Variants in IQCM observed in about 807,000 individuals in gnomAD.
IQCM encodes the protein IQ domain-containing protein M.
A neutral mutation model predicts 57.6 loss-of-function variants in IQCM; 45 were observed. That is an observed-to-expected ratio of 0.78 (90% CI 0.62 to 1.00). IQCM has a LOEUF of 1.00. IQCM is among the 50% of genes least tolerant of loss of function. The pLI, the probability that IQCM is intolerant of heterozygous loss-of-function variation, is 0.00. For missense variants in IQCM, 468 were observed against 511.6 expected, an observed-to-expected ratio of 0.91 and a Z score of 0.82; for synonymous variants, 148 against 158.9, an observed-to-expected ratio of 0.93 and a Z score of 0.51.
At chr4:149,587,599 T>C (rs1752758990) in intron 9 of IQCM, among the ~76,000 whole-genome samples, 1 of 151,842 alleles carries the variant, frequency 6.6e-6, no homozygotes, top group Admixed American at 6.6e-5. Context: ...AGCTAAAACA[T>C]ATGCAGTGTC....
chr4:149,517,270 T>C (rs2149821452), intron 12 of IQCM, among the ~76,000 whole-genome samples: 1 of 152,334 alleles, frequency 6.6e-6, no homozygotes, highest in African/African-American at 2.4e-5. Context: ...GAATATTTAC[T>C]CCTTCTTTTG....
chr4:149,646,062 C>T (rs1478212258), intron 7 of IQCM, among the ~76,000 whole-genome samples: 2 of 152,134 alleles, frequency 1.3e-5, no homozygotes, highest in Admixed American at 1.3e-4. Context: ...GCAACTATAC[C>T]TTCTCTAATG....
intron 8 of IQCM, among the ~76,000 whole-genome samples, chr4:149,589,757 T>A (rs1752959944): frequency 1.3e-5 from 2 of 151,990 alleles, no homozygotes; most frequent in South Asian, 4.1e-4. Context: ...TAAACAATAA[T>A]CCTCAAGAAT....
At chr4:149,654,887 T>A (rs1332401500) in intron 7 of IQCM, among the ~76,000 whole-genome samples, 1 of 152,194 alleles carries the variant, frequency 6.6e-6, no homozygotes, top group African/African-American at 2.4e-5. Context: ...ACATATAACA[T>A]AATTTTTTAT....
chr4:149,810,278 T>C (rs1230777613), intron 2 of IQCM, among the ~76,000 whole-genome samples: 4 of 150,650 alleles, frequency 2.7e-5, no homozygotes, highest in African/African-American at 9.8e-5. Context: ...AGGAGGATTG[T>C]TTGGGCCCAG....
intron 12 of IQCM, among the ~76,000 whole-genome samples, chr4:149,504,345 A>C (rs1743566338): frequency 6.6e-6 from 1 of 152,196 alleles, no homozygotes. Flanking sequence ...ATATAGACAA[A>C]TCATCCATTT....
intron 12 of IQCM, among the ~76,000 whole-genome samples, chr4:149,530,813 C>A (rs958761902): frequency 3.2e-5 from 4 of 124,740 alleles, no homozygotes; most frequent in Admixed American, 1.7e-4. Flanking sequence ...ACCCCCCCCC[C>A]ACATACACAC....
At chr4:149,369,459 G>A (rs1368846840) in intron 13 of IQCM, among the ~76,000 whole-genome samples, 8 of 152,094 alleles carry the variant, frequency 5.3e-5, no homozygotes, top group Non-Finnish European at 2.9e-5. Context: ...TAAAAAAAAT[G>A]TGTACAAATG....
chr4:149,400,088 A>C (rs1013201412), intron 13 of IQCM, among the ~76,000 whole-genome samples: 1 of 151,996 alleles, frequency 6.6e-6, no homozygotes, highest in African/African-American at 2.4e-5. Flanking sequence ...AGAAGCTAAA[A>C]ATCTCTACTA....
intron 8 of IQCM, among the ~76,000 whole-genome samples, chr4:149,613,971 G>C (rs1032415858): frequency 6.6e-6 from 1 of 152,072 alleles, no homozygotes; most frequent in East Asian, 1.9e-4. Flanking sequence ...GCCTATCATT[G>C]TTGGACATTT....
At chr4:149,545,064 C>A (rs1043440071) in intron 12 of IQCM, among the ~76,000 whole-genome samples, 11 of 151,976 alleles carry the variant, frequency 7.2e-5, no homozygotes, top group Non-Finnish European at 5.9e-5. Context: ...CAGTTGGGCA[C>A]AGTGGCATGT....
At chr4:149,635,832 C>T (rs941499416) in intron 7 of IQCM, among the ~76,000 whole-genome samples, 1 of 151,898 alleles carries the variant, frequency 6.6e-6, no homozygotes, top group African/African-American at 2.4e-5. Flanking sequence ...ATAGAAATAC[C>T]TGTATATTTC....
At chr4:149,500,095 G>A (rs146783373) in intron 12 of IQCM, among the ~76,000 whole-genome samples, 232 of 152,280 alleles carry the variant, frequency 1.5e-3, no homozygotes, top group African/African-American at 5.3e-3. Flanking sequence ...CTTCTAATTT[G>A]TCCAAATACA....
chr4:149,619,129 T>TAC (rs1163264196), intron 8 of IQCM, among the ~76,000 whole-genome samples: 1 of 146,892 alleles, frequency 6.8e-6, no homozygotes, highest in African/African-American at 2.6e-5. Flanking sequence ...TATATATATA[T>TAC]ATACACCATG....
intron 13 of IQCM, among the ~76,000 whole-genome samples, chr4:149,357,210 C>T (rs1010578374): frequency 2.0e-5 from 3 of 152,286 alleles, no homozygotes; most frequent in South Asian, 4.1e-4. Context: ...ATTTGAGTTC[C>T]TCTTTTCCTA....
At chr4:149,628,658 CA>C (rs1757008621) in intron 7 of IQCM, among the ~76,000 whole-genome samples, 1 of 152,058 alleles carries the variant, frequency 6.6e-6, no homozygotes, top group Admixed American at 6.6e-5. Flanking sequence ...CTAAGCTGAA[CA>C]AAAGATTTGA....
intron 7 of IQCM, among the ~76,000 whole-genome samples, chr4:149,647,278 C>T (rs1443187838): frequency 6.6e-6 from 1 of 151,956 alleles, no homozygotes; most frequent in Non-Finnish European, 1.5e-5. Context: ...CTATTTTTGG[C>T]TTTTTAAATC....
intron 13 of IQCM, among the ~76,000 whole-genome samples, chr4:149,354,299 G>A (rs1728777212): frequency 7.7e-6 from 1 of 129,850 alleles, no homozygotes; most frequent in African/African-American, 2.9e-5. Flanking sequence ...GGGAGGCGGA[G>A]CTTGCAGTGA....
intron 2 of IQCM, among the ~76,000 whole-genome samples, chr4:149,747,503 G>A (rs560808556): frequency 1.3e-5 from 2 of 152,160 alleles, no homozygotes; most frequent in East Asian, 3.9e-4. Flanking sequence ...CAAGAAAAAA[G>A]TCTGCACATT....
Sources: gnomAD v4.1 joint callset for allele counts (sites outside exome capture counted in the v4.1 genomes callset) on GRCh38, gnomAD v4.1.1 for gene constraint, MANE v1.5 for transcripts, NCBI Gene and HGNC (gene_info 2026-07-23, HGNC 2026-07-21) for gene names.